The following TANC2 variants were observed in gnomAD, a reference collection of about 807,000 sequenced individuals.
TANC2 encodes protein TANC2.
TANC2 carries 26 observed loss-of-function variants against 210.5 expected under a neutral mutation model. The ratio of observed to expected loss-of-function variants is 0.12; its 90% CI spans 0.09 to 0.17. The LOEUF is 0.17. Among genes scored for constraint, TANC2 ranks in the 10% least tolerant of loss-of-function variants. The pLI is 1.00. For synonymous variants in TANC2, 931 were observed against 967.1 expected (o/e 0.96, Z 0.69); for missense variants, 2,129 against 2,608.9 (o/e 0.82, Z 4.01).
At chr17:63,315,340 A>G (rs1322400014) in intron 10 of TANC2, among the ~76,000 whole-genome samples, 1 of 152,158 alleles carries the variant, frequency 6.6e-6, no homozygotes, top group East Asian at 1.9e-4. Context: ...GGTTGTCTTC[A>G]TTTCACAGGT....
chr17:63,118,348 A>G (rs1367871365), intron 4 of TANC2, among the ~76,000 whole-genome samples: 1 of 152,136 alleles, frequency 6.6e-6, no homozygotes, highest in African/African-American at 2.4e-5. Context: ...ACCTTTGTTT[A>G]CTTGTATTTT....
At chr17:63,249,968 G>A (rs1196707971) in intron 8 of TANC2, among the ~76,000 whole-genome samples, 1 of 151,158 alleles carries the variant, frequency 6.6e-6, no homozygotes, top group Non-Finnish European at 1.5e-5. Context: ...CCAAATGTCT[G>A]TTAGATTTCT....
intron 8 of TANC2, among the ~76,000 whole-genome samples, chr17:63,262,644 G>A (rs1367063919): frequency 6.9e-6 from 1 of 145,604 alleles, no homozygotes; most frequent in African/African-American, 2.5e-5. Context: ...TTTTTTTTTG[G>A]TAGCTACATA....
chr17:63,061,002 CCCAGGAGTTTGAGA>C (rs1311447888), intron 2 of TANC2, among the ~76,000 whole-genome samples: 1 of 151,950 alleles, frequency 6.6e-6, no homozygotes, highest in African/African-American at 2.4e-5. Context: ...TCTTTTTGAG[CCCAGGAGTTTGAGA>C]CCAGGGTGGG....
At chr17:63,402,112 C>A (rs1159064573) in intron 19 of TANC2, among the ~76,000 whole-genome samples, 1 of 152,200 alleles carries the variant, frequency 6.6e-6, no homozygotes, top group Non-Finnish European at 1.5e-5. Context: ...CCTCCAGTCT[C>A]ATATATTGCC....
At chr17:63,329,408 C>T (rs1482346014) in intron 11 of TANC2, among the ~76,000 whole-genome samples, 2 of 152,016 alleles carry the variant, frequency 1.3e-5, no homozygotes, top group African/African-American at 2.4e-5. Flanking sequence ...GAAATGCAAA[C>T]TAAATCAATA....
chr17:63,312,993 A>G (rs1408437301), intron 9 of TANC2, among the ~76,000 whole-genome samples: 1 of 152,166 alleles, frequency 6.6e-6, no homozygotes, highest in Non-Finnish European at 1.5e-5. Context: ...GAGAGTGCAC[A>G]CATGTATGTG....
chr17:63,224,818 A>G (rs1273585774), intron 7 of TANC2, among the ~76,000 whole-genome samples: 2 of 152,112 alleles, frequency 1.3e-5, no homozygotes, highest in Non-Finnish European at 2.9e-5. Context: ...CTTATGTGGT[A>G]GTCCCTTCTA....
chr17:63,084,655 G>A (rs1445867638), intron 3 of TANC2, among the ~76,000 whole-genome samples: 2 of 151,788 alleles, frequency 1.3e-5, no homozygotes, highest in African/African-American at 4.8e-5. Flanking sequence ...GTCTATCACT[G>A]CATCCCGCAG....
intron 9 of TANC2, among the ~76,000 whole-genome samples, chr17:63,311,869 A>G (rs2045137792): frequency 6.6e-6 from 1 of 152,232 alleles, no homozygotes; most frequent in Non-Finnish European, 1.5e-5. Flanking sequence ...TTCTGTTTAT[A>G]TGAAATGTCC....
At chr17:63,334,506 A>G (rs1331436837) in intron 11 of TANC2, among the ~76,000 whole-genome samples, 1 of 152,230 alleles carries the variant, frequency 6.6e-6, no homozygotes, top group Non-Finnish European at 1.5e-5. Flanking sequence ...TTCCAATAGG[A>G]TTCTAATTAA....
chr17:63,254,680 A>C (rs2043140366), intron 8 of TANC2, among the ~76,000 whole-genome samples: 1 of 152,198 alleles, frequency 6.6e-6, no homozygotes, highest in Non-Finnish European at 1.5e-5. Context: ...GATTTTTATC[A>C]TGAAGGGATG....
At chr17:63,402,320 G>A (rs1028352467) in intron 19 of TANC2, among the ~76,000 whole-genome samples, 10 of 152,078 alleles carry the variant, frequency 6.6e-5, no homozygotes, top group African/African-American at 1.4e-4. Flanking sequence ...CTCATACCAA[G>A]GACATATCTC....
At chr17:63,086,792 A>G (rs2036983463) in intron 3 of TANC2, among the ~76,000 whole-genome samples, 1 of 143,850 alleles carries the variant, frequency 7.0e-6, no homozygotes, top group East Asian at 1.9e-4. Context: ...AGCTAGCTAG[A>G]GGTTTGTAAA....
At chr17:63,095,602 A>G (rs2037357866) in intron 3 of TANC2, among the ~76,000 whole-genome samples, 1 of 152,142 alleles carries the variant, frequency 6.6e-6, no homozygotes. Context: ...GACACATAGC[A>G]GTGTTCTGAA....
chr17:63,243,564 AAAG>A (rs1190683823), intron 8 of TANC2, among the ~76,000 whole-genome samples: 7 of 152,346 alleles, frequency 4.6e-5, no homozygotes, highest in South Asian at 2.1e-4. Flanking sequence ...ATATTGAACA[AAAG>A]AAGACTCAAA....
chr17:63,102,410 C>T (rs1278432241), intron 4 of TANC2, among the ~76,000 whole-genome samples: 1 of 144,958 alleles, frequency 6.9e-6, no homozygotes, highest in African/African-American at 2.5e-5. Flanking sequence ...ACTCTGATTG[C>T]AGGATTTTTT....
chr17:63,125,521 A>G (rs1333873520), intron 4 of TANC2, among the ~76,000 whole-genome samples: 1 of 152,216 alleles, frequency 6.6e-6, no homozygotes, highest in Admixed American at 6.5e-5. Context: ...ATATGACAAT[A>G]TAAACATGCC....
At chr17:63,403,576 G>A (rs919833317) in intron 19 of TANC2, among the ~76,000 whole-genome samples, 1 of 152,158 alleles carries the variant, frequency 6.6e-6, no homozygotes, top group South Asian at 2.1e-4. Flanking sequence ...AATAATTATA[G>A]CCATTAACAC....
Sources: allele counts gnomAD v4.1 joint callset (sites outside exome capture counted in the v4.1 genomes callset), GRCh38; gene constraint gnomAD v4.1.1; transcripts MANE v1.5; gene names NCBI Gene and HGNC (gene_info 2026-07-23, HGNC 2026-07-21).